SLC45A4: variants seen among roughly 807,000 people sequenced by gnomAD.
The protein encoded by SLC45A4 is polyamine-transporter SLC45A4.
Under a neutral mutation model 63.7 loss-of-function variants are expected in SLC45A4, and 32 were observed. The observed-to-expected ratio is 0.50, with a 90% confidence interval of 0.38 to 0.67. SLC45A4 has a LOEUF of 0.67. SLC45A4 is among the 30% of genes least tolerant of loss of function. The probability of loss-of-function intolerance (pLI) is 0.00; values close to 1 mark genes in which losing one functional copy is unlikely to be tolerated. For missense variants in SLC45A4, 1,027 were observed against 1,157.7 expected (o/e 0.89, Z 1.64); for synonymous variants, 535 against 510.0 (o/e 1.05, Z -0.66).
chr8:141,217,180 T>A lies in SLC45A4; in HGVS notation c.1639A>T (p.Asn547Tyr). 6.2e-7 allele frequency: 1 copy of A among 1,613,640 alleles called. No individual in the cohort carries two copies. Among genetic ancestry groups the A allele is most frequent in the Non-Finnish European group, 8.5e-7 (1 of 1,179,952 alleles). ...TTGTAGGCTTGCCAGGCGGTCGAGT[T>A]CGAGGGGGCCTGTTCCGGAAATGAG... ...IFEGDPKAPS[N>Y]STAWQAYNAG... The change falls in exon 6 of 9, where the codon AAC becomes TAC. Residue 547 changes from asparagine to tyrosine, a missense_variant. Transcript: ENST00000517878.
intron 4 of SLC45A4, 102 bp downstream of exon 4, chr8:141,219,548 G>A: frequency 7.3e-7 from 1 of 1,374,342 alleles, no homozygotes; most frequent in Non-Finnish European, 9.7e-7. Flanking sequence ...CCTCCATGCA[G>A]CCTGATGAGG....
intron 1 of SLC45A4, among the ~76,000 whole-genome samples, chr8:141,307,558 T>G (rs1830937073): frequency 6.7e-6 from 1 of 148,894 alleles, no homozygotes; most frequent in Admixed American, 6.7e-5. Flanking sequence ...AAGAAGGGAG[T>G]GTGTTCGGTT....
At chr8:141,268,875 C>T (rs1829395068) in intron 1 of SLC45A4, among the ~76,000 whole-genome samples, 2 of 152,226 alleles carry the variant, frequency 1.3e-5, no homozygotes, top group South Asian at 2.1e-4. Context: ...CCCAGCTTGG[C>T]TGCCTCTGAT....
chr8:141,238,813 AG>A lies in SLC45A4; in HGVS notation c.241+15175del, dbSNP rs955010527. Among the ~76,000 whole-genome samples, 1,007 of 152,290 alleles carry A rather than the reference AG, an allele frequency of 6.6e-3. 11 individuals carry two copies. The highest frequency in any genetic ancestry group is 0.023 in the African/African-American group (955 of 41,564). ...TGCCTGCACCCACAGTACAGCTGCC[AG>A]GGGGCCGGCGCGGGGCAGAGCAGGC... is the stretch of plus-strand genomic sequence containing the variant. On this transcript the variant is annotated intron_variant, in intron 2 of 8. Coordinates refer to ENST00000517878, the MANE Select transcript of SLC45A4 (RefSeq NM_001286646.2).
chr8:141,279,327 CTGAAA>C (rs1829850184), intron 1 of SLC45A4, among the ~76,000 whole-genome samples: 1 of 152,250 alleles, frequency 6.6e-6, no homozygotes, highest in Non-Finnish European at 1.5e-5. Context: ...TCTGGCTTTA[CTGAAA>C]AGTAACATCC....
At chr8:141,248,635 G>T (rs920730889) in intron 2 of SLC45A4, among the ~76,000 whole-genome samples, 2 of 152,150 alleles carry the variant, frequency 1.3e-5, no homozygotes, top group African/African-American at 4.8e-5. Context: ...GGAGACCAAG[G>T]TAAGAGGATC....
chr8:141,213,662 C>T (rs137876034), intron 7 of SLC45A4, among the ~76,000 whole-genome samples: 162 of 152,296 alleles, frequency 1.1e-3, no homozygotes, highest in Admixed American at 2.7e-3. Context: ...CAAGACATAA[C>T]GGAAGGCAGG....
chr8:141,255,454 GTCTGT>G (rs1408959134), intron 1 of SLC45A4, among the ~76,000 whole-genome samples: 2 of 152,242 alleles, frequency 1.3e-5, no homozygotes, highest in Non-Finnish European at 2.9e-5. Flanking sequence ...GGTGGCTTAA[GTCTGT>G]AATCCCAGCA....
chr8:141,237,066 G>A (rs1216459471), intron 2 of SLC45A4, among the ~76,000 whole-genome samples: 1 of 152,052 alleles, frequency 6.6e-6, no homozygotes, highest in African/African-American at 2.4e-5. Context: ...ATTCAAATGT[G>A]TATGGTTCAT....
chr8:141,265,121 T>C (rs955644403), intron 1 of SLC45A4, among the ~76,000 whole-genome samples: 1 of 152,220 alleles, frequency 6.6e-6, no homozygotes, highest in Non-Finnish European at 1.5e-5. Context: ...TAAAGATGGA[T>C]TGTATTTCCA....
intron 7 of SLC45A4, among the ~76,000 whole-genome samples, chr8:141,214,755 G>A (rs916922358): frequency 1.3e-5 from 2 of 152,160 alleles, no homozygotes; most frequent in South Asian, 2.1e-4. Flanking sequence ...AGAAGAGAGC[G>A]GAAACACATG....
chr8:141,305,887 T>C (rs973796689), intron 1 of SLC45A4, among the ~76,000 whole-genome samples: 1 of 120,574 alleles, frequency 8.3e-6, no homozygotes, highest in Non-Finnish European at 2.0e-5. Context: ...CTTTCCTCCA[T>C]CGGGAAAGTG....
At chr8:141,250,873 A>C (rs75336457) in intron 2 of SLC45A4, among the ~76,000 whole-genome samples, 2,980 of 152,346 alleles carry the variant, frequency 0.02, 98 homozygotes, top group African/African-American at 0.068. Context: ...AGTCTTATGT[A>C]ATAAATAATC....
intron 2 of SLC45A4, among the ~76,000 whole-genome samples, chr8:141,230,802 C>T (rs1827304909): frequency 6.6e-6 from 1 of 152,242 alleles, no homozygotes; most frequent in Non-Finnish European, 1.5e-5. Flanking sequence ...GAAATGCTGC[C>T]AGAGAGCATG....
At chr8:141,267,225 G>A (rs1301450789) in intron 1 of SLC45A4, among the ~76,000 whole-genome samples, 1 of 152,268 alleles carries the variant, frequency 6.6e-6, no homozygotes, top group African/African-American at 2.4e-5. Flanking sequence ...CTTCACTGCT[G>A]TCCTTCAGGA....
rs564749949 is a variant in SLC45A4 at position 141,276,236 on chromosome 8, G to T, written c.-400-21607C>A. Among the ~76,000 whole-genome samples the T allele has an allele frequency of 1.8e-3, 272 of 152,248 alleles. 1 individual carries two copies. The highest frequency in any genetic ancestry group is 3.2e-3 in the Non-Finnish European group (217 of 68,028). On this transcript the variant is annotated intron_variant, in intron 1 of 8. Transcript: ENST00000517878. ...TTTAATTAAAACAAACAAACAATAA[G>T]TTACCTCTAAAAACAGATTTTCTGG...
chr8:141,262,913 A>G (rs1589828400), intron 1 of SLC45A4, among the ~76,000 whole-genome samples: 1 of 151,650 alleles, frequency 6.6e-6, no homozygotes, highest in African/African-American at 2.4e-5. Flanking sequence ...ACACATGCAC[A>G]CATATGTTTA....
chr8:141,297,826 A>G (rs984873661), intron 1 of SLC45A4, among the ~76,000 whole-genome samples: 19 of 152,338 alleles, frequency 1.2e-4, no homozygotes, highest in African/African-American at 4.3e-4. Flanking sequence ...ATTTTATTTT[A>G]AATTTGATTA....
chr8:141,219,076 CA>C (rs778248640), intron 4 of SLC45A4, 47 bp from the exon 5 acceptor site: 57 of 1,576,160 alleles, frequency 3.6e-5, no homozygotes, highest in Admixed American at 2.8e-4. Context: ...CACCAGGCCA[CA>C]GGGGGGGAAG....
Sources: allele counts gnomAD v4.1 joint callset (sites outside exome capture counted in the v4.1 genomes callset), GRCh38; gene constraint gnomAD v4.1.1; transcripts MANE v1.5; gene names NCBI Gene and HGNC (gene_info 2026-07-23, HGNC 2026-07-21).